QKI: variants seen among roughly 807,000 people sequenced by gnomAD.
QKI encodes KH domain-containing RNA-binding protein QKI.
QKI carries 10 observed loss-of-function variants against 39.0 expected under a neutral mutation model. The ratio of observed to expected loss-of-function variants is 0.26; its 90% CI spans 0.16 to 0.43. QKI has a LOEUF of 0.43. Ranked by LOEUF, QKI falls within the 20% of genes least tolerant of loss-of-function variation. The pLI is 1.00. For synonymous variants in QKI, 204 were observed against 155.4 expected, an observed-to-expected ratio of 1.31 and a Z score of -2.33; for missense variants, 218 against 428.0, an observed-to-expected ratio of 0.51 and a Z score of 4.33.
chr6:163,428,438 A>G lies in QKI; in HGVS notation c.142+13103A>G, dbSNP rs1788573650. Among the ~76,000 whole-genome samples, 3 of 152,298 alleles carry G rather than the reference A, an allele frequency of 2.0e-5. No individual in the cohort carries two copies. In the South Asian group the frequency reaches 6.2e-4, roughly 32 times the overall value. ...GCAGTTTATTTCTGTTTATTAAAAT[A>G]AATCAGAAGAAAATGTGTCATAGTT... On this transcript the variant is annotated intron_variant, in intron 1 of 7. Coordinates refer to ENST00000361752, the MANE Select transcript of QKI (RefSeq NM_006775.3).
intron 1 of QKI, among the ~76,000 whole-genome samples, chr6:163,436,890 T>A (rs1789340708): frequency 6.6e-6 from 1 of 152,124 alleles, no homozygotes; most frequent in Non-Finnish European, 1.5e-5. Flanking sequence ...TTGAAAGTAG[T>A]TCCATCTAAA....
intron 3 of QKI, among the ~76,000 whole-genome samples, chr6:163,483,471 TAAG>T (rs1793237109): frequency 2.0e-5 from 3 of 152,288 alleles, no homozygotes; most frequent in Admixed American, 2.0e-4. Flanking sequence ...CTTTATAAAC[TAAG>T]TTTATGTAAT....
intron 3 of QKI, among the ~76,000 whole-genome samples, chr6:163,529,636 G>T (rs1780730461): frequency 6.6e-6 from 1 of 152,186 alleles, no homozygotes; most frequent in African/African-American, 2.4e-5. Context: ...CCATGTTTGG[G>T]GAATGGCCAG....
chr6:163,563,745 A>C (rs1284912505), intron 6 of QKI, 26 bp downstream of exon 6: 3 of 1,586,440 alleles, frequency 1.9e-6, no homozygotes, highest in Non-Finnish European at 2.6e-6. Context: ...CATGGGGTTA[A>C]CAACATTCTC....
intron 4 of QKI, among the ~76,000 whole-genome samples, chr6:163,550,742 C>T (rs1386996198): frequency 3.3e-5 from 5 of 152,036 alleles, no homozygotes; most frequent in South Asian, 4.2e-4. Flanking sequence ...GTCAGGAGAT[C>T]GAGACCATCC....
At position 163,576,035 on chromosome 6, in the gene QKI, G is replaced by A. The variant is rs1173767199; in HGVS notation, c.*5325G>A. On this transcript the variant is annotated 3_prime_UTR_variant, in exon 8 of 8. Transcript: ENST00000361752. ...AGCAAAAATTATTCTCCAACTTTTC[G>A]AATTCACAATTTTTCTAAGTGCATA... 3 of 151,998 alleles carry A rather than the reference G, an allele frequency of 2.0e-5. No individual in the cohort carries two copies. Among genetic ancestry groups the A allele is most frequent in the East Asian group, 1.9e-4 (1 of 5,190 alleles). 9.4% of individuals were successfully genotyped at this position (151,998 alleles called of 1,614,324 possible).
intron 4 of QKI, among the ~76,000 whole-genome samples, chr6:163,553,489 C>A (rs188657872): frequency 2.0e-4 from 30 of 152,110 alleles, no homozygotes; most frequent in African/African-American, 4.3e-4. Flanking sequence ...CCAGCCCAAC[C>A]ATATCATCTA....
intron 1 of QKI, chr6:163,423,479 C>T (rs747898859): frequency 2.0e-5 from 3 of 152,202 alleles, no homozygotes; most frequent in Non-Finnish European, 2.9e-5. Flanking sequence ...AAGACACTCA[C>T]TTCTGCCCTC....
chr6:163,562,208 G>A (rs1472354373), intron 5 of QKI, 139 bp downstream of exon 5: 2 of 453,530 alleles, frequency 4.4e-6, no homozygotes, highest in Non-Finnish European at 7.7e-6. Context: ...ATATGGGGCT[G>A]ACAGTCCTAT....
At chr6:163,466,838 A>G (rs913943254) in intron 2 of QKI, among the ~76,000 whole-genome samples, 2 of 152,176 alleles carry the variant, frequency 1.3e-5, no homozygotes, top group Non-Finnish European at 2.9e-5. Flanking sequence ...TAGATATTAC[A>G]CCCAAAAAAC....
intron 2 of QKI, among the ~76,000 whole-genome samples, chr6:163,475,316 C>T (rs1792502170): frequency 6.6e-6 from 1 of 152,096 alleles, no homozygotes; most frequent in African/African-American, 2.4e-5. Context: ...AAAATGGTTG[C>T]ATTTGTACTG....
intron 1 of QKI, among the ~76,000 whole-genome samples, chr6:163,451,379 G>A (rs1790548087): frequency 6.6e-6 from 1 of 152,138 alleles, no homozygotes; most frequent in Admixed American, 6.5e-5. Context: ...TATTAAAAGG[G>A]ACCTAGACAG....
intron 1 of QKI, among the ~76,000 whole-genome samples, chr6:163,417,696 T>TAAA (rs1487984655): frequency 6.6e-6 from 1 of 152,216 alleles, no homozygotes; most frequent in African/African-American, 2.4e-5. Context: ...AATGTTTGTT[T>TAAA]CCCCTTCCCC....
intron 2 of QKI, among the ~76,000 whole-genome samples, chr6:163,466,854 C>T (rs1791797993): frequency 6.6e-6 from 1 of 151,982 alleles, no homozygotes; most frequent in Non-Finnish European, 1.5e-5. Context: ...AAAACACAAG[C>T]AACAAAAGCA....
intron 7 of QKI, chr6:163,568,362 TGGACATATTTTAG>T: frequency 1.0e-6 from 1 of 985,598 alleles, no homozygotes; most frequent in Non-Finnish European, 1.2e-6. Flanking sequence ...TTGAGATAGT[TGGACATATTTTAG>T]GAAGATTTTA....
At chr6:163,504,776 A>G (rs1778993676) in intron 3 of QKI, among the ~76,000 whole-genome samples, 1 of 152,158 alleles carries the variant, frequency 6.6e-6, no homozygotes, top group Non-Finnish European at 1.5e-5. Flanking sequence ...TAGGTATCAA[A>G]TCATATTGTT....
rs183007047 is a variant in QKI, at chr6:163,442,883, T to C, written c.143-12396T>C. On this transcript the variant is annotated intron_variant, in intron 1 of 7. Transcript: ENST00000361752. ...ATAGTATTTAGCTTCTAATCAGTTA[T>C]ACTTTTACAATCTCAACACAGAGGG... Among the ~76,000 whole-genome samples, 16 of 152,320 alleles carry C rather than the reference T, an allele frequency of 1.1e-4. No individual in the cohort carries two copies. In the East Asian group the frequency reaches 2.7e-3, roughly 26 times the overall value.
intron 4 of QKI, among the ~76,000 whole-genome samples, chr6:163,550,208 G>C (rs1049691005): frequency 2.0e-5 from 3 of 152,162 alleles, no homozygotes; most frequent in Non-Finnish European, 4.4e-5. Context: ...CTTGCTGGTG[G>C]GGACTCTGCA....
chr6:163,493,847 A>AAAAATATAGTC (rs1309179373), intron 3 of QKI, among the ~76,000 whole-genome samples: 3 of 151,854 alleles, frequency 2.0e-5, no homozygotes, highest in Non-Finnish European at 2.9e-5. Flanking sequence ...TTAAAGGGAC[A>AAAAATATAGTC]AAAATATAGA....
Sources: gnomAD v4.1 joint callset for allele counts (sites outside exome capture counted in the v4.1 genomes callset) on GRCh38, gnomAD v4.1.1 for gene constraint, MANE v1.5 for transcripts, NCBI Gene and HGNC (gene_info 2026-07-23, HGNC 2026-07-21) for gene names.